Variants in DMD observed in about 807,000 individuals in gnomAD.
The protein encoded by DMD is dystrophin, also known as mutant dystrophin.
A neutral mutation model predicts 330.1 loss-of-function variants in DMD; 63 were observed. The ratio of observed to expected loss-of-function variants is 0.19; its 90% CI spans 0.16 to 0.24. The LOEUF (loss-of-function observed/expected upper bound fraction) is 0.24. Ranked by LOEUF, DMD falls within the 10% of genes least tolerant of loss-of-function variation. The pLI, the probability that DMD is intolerant of heterozygous loss-of-function variation, is 1.00. For synonymous variants in DMD, 1,223 were observed against 959.8 expected, an observed-to-expected ratio of 1.27 and a Z score of -5.07; for missense variants, 3,344 against 2,684.1, an observed-to-expected ratio of 1.25 and a Z score of -5.43.
rs988470852 is a variant in DMD at position 31,944,799 on chromosome X, C to T, written c.6615-12572G>A. ...CTGGGATTACAGGCGTGAGGCACCG[C>T]GCCTGGCCAAGATAATTTTTTTTGT... is the stretch of plus-strand genomic sequence containing the variant. On this transcript the variant is annotated intron_variant, in intron 45 of 78. Coordinates refer to ENST00000357033, the MANE Select transcript of DMD (RefSeq NM_004006.3). Among the ~76,000 whole-genome samples, 52 of 110,278 alleles carry T rather than the reference C, an allele frequency of 4.7e-4. 1 individual carries two copies. The highest frequency in any genetic ancestry group is 1.2e-3 in the African/African-American group (35 of 30,295).
rs1190446358 is a variant in DMD at position 31,321,583 on chromosome X, C to CAAAAAAAAAAAAAA, written c.9224+2001_9224+2014dup. 9.5e-3 allele frequency among the ~76,000 whole-genome samples: 99 copies of CAAAAAAAAAAAAAA among 10,457 alleles called. 4 individuals carry two copies. The highest frequency in any genetic ancestry group is 0.012 in the Non-Finnish European group (83 of 6,743). The allele number at this position is 10,457 out of a possible 115,157, so 9.1% of individuals were successfully genotyped here. On this transcript the variant is annotated intron_variant, in intron 62 of 78. Transcript: ENST00000357033. The stretch of plus-strand genomic sequence containing the variant: ...TGGGCAACAGAGTGAAACTCCATCT[C>CAAAAAAAAAAAAAA]AAAAAAAAAAAAAAAAAAAAAAAAA...
At chrX:32,061,065 T>C (rs1234392538) in intron 44 of DMD, among the ~76,000 whole-genome samples, 2 of 111,471 alleles carry the variant, frequency 1.8e-5, no homozygotes, top group Non-Finnish European at 3.8e-5. Flanking sequence ...AGCATTCTTC[T>C]TGAACCACTT....
At chrX:33,279,286 C>A (rs191937298) in intron 1 of DMD, among the ~76,000 whole-genome samples, 3 of 112,038 alleles carry the variant, frequency 2.7e-5, no homozygotes, top group African/African-American at 9.7e-5. Flanking sequence ...CACACAATTA[C>A]ATGGAAACCA....
At chrX:31,690,277 A>G (rs1301797404) in intron 52 of DMD, among the ~76,000 whole-genome samples, 7 of 112,277 alleles carry the variant, frequency 6.2e-5, no homozygotes, top group Non-Finnish European at 9.4e-5. Context: ...TTACAAGAAA[A>G]AACAAACAAC....
intron 54 of DMD, among the ~76,000 whole-genome samples, chrX:31,649,711 G>A (rs1433217327): frequency 9.1e-6 from 1 of 109,991 alleles, no homozygotes; most frequent in Non-Finnish European, 1.9e-5. Context: ...TTGGGTCTCA[G>A]CAATATAAAA....
At chrX:33,227,922 T>A (rs2052319594) in intron 1 of DMD, among the ~76,000 whole-genome samples, 1 of 111,253 alleles carries the variant, frequency 9.0e-6, no homozygotes, top group East Asian at 2.8e-4. Context: ...AATATTTGAT[T>A]CGAATTTAAA....
At chrX:33,338,179 G>T (rs1318355883) in intron 1 of DMD, among the ~76,000 whole-genome samples, 1 of 111,485 alleles carries the variant, frequency 9.0e-6, no homozygotes, top group Non-Finnish European at 1.9e-5. Context: ...ATTTCAATAT[G>T]TTCAGTCTGA....
In DMD at chrX:32,614,403, T is replaced by C. The variant is rs775115784; in HGVS notation, c.1382A>G (p.Asn461Ser). ...DLQNQKLKEL[N>S]DWLTKTEERT... The stretch of plus-strand genomic sequence containing the variant: ...TTCTTCTGTTTTTGTTAGCCAGTCA[T>C]TCAACTCTTTCAGTTTCTGATTCTG... Residue 461 changes from asparagine to serine, a missense_variant, in exon 12 of 79, where the codon AAT (asparagine) becomes AGT (serine). Physicochemically the swap from Asn to Ser is conservative, Grantham distance 46. Transcript: ENST00000357033. 16 of 1,205,126 alleles carry C rather than the reference T, an allele frequency of 1.3e-5. 1 individual carries two copies. In the East Asian group the frequency reaches 1.5e-4, roughly 11 times the overall value.
chrX:32,111,742 T>C (rs2096590413), intron 44 of DMD, among the ~76,000 whole-genome samples: 1 of 111,454 alleles, frequency 9.0e-6, no homozygotes, highest in African/African-American at 3.3e-5. Context: ...ACAATCCCTG[T>C]GATTCCATCA....
intron 9 of DMD, among the ~76,000 whole-genome samples, chrX:32,697,448 C>G (rs1204526890): frequency 1.8e-5 from 2 of 111,701 alleles, no homozygotes; most frequent in Non-Finnish European, 3.8e-5. Context: ...TAAAATAATT[C>G]ACTTAGAATG....
At chrX:33,154,269 C>T (rs762810743) in intron 1 of DMD, among the ~76,000 whole-genome samples, 2 of 110,470 alleles carry the variant, frequency 1.8e-5, no homozygotes, top group East Asian at 2.9e-4. Context: ...TGGTGGTGGG[C>T]GCCTGTAATC....
intron 7 of DMD, among the ~76,000 whole-genome samples, chrX:32,792,305 C>A (rs1450640284): frequency 5.5e-5 from 6 of 109,906 alleles, no homozygotes; most frequent in African/African-American, 2.0e-4. Flanking sequence ...AATATAAAAA[C>A]AACTAGTAGT....
chrX:32,806,074 C>T (rs1396056547), intron 7 of DMD, among the ~76,000 whole-genome samples: 1 of 111,878 alleles, frequency 8.9e-6, no homozygotes, highest in African/African-American at 3.2e-5. Context: ...ATCAAATTTA[C>T]ACATAACAAT....
intron 1 of DMD, among the ~76,000 whole-genome samples, chrX:33,187,449 C>T (rs1246554391): frequency 8.9e-6 from 1 of 112,602 alleles, no homozygotes; most frequent in Non-Finnish European, 1.9e-5. Context: ...CACAATATCA[C>T]TACACTCAAC....
chrX:31,432,662 A>G (rs927898272), intron 60 of DMD, among the ~76,000 whole-genome samples: 6 of 111,782 alleles, frequency 5.4e-5, no homozygotes, highest in African/African-American at 2.0e-4. Context: ...TGTGAGAGAC[A>G]TAGAGAGCAA....
At position 33,101,622 on chromosome X, in the gene DMD, C is replaced by T. The variant is rs189892291; in HGVS notation, c.32-81422G>A. 3.9e-3 allele frequency among the ~76,000 whole-genome samples: 429 copies of T among 110,557 alleles called. 1 individual carries two copies. Among genetic ancestry groups the T allele is most frequent in the African/African-American group, 0.014 (415 of 30,309 alleles). Reference sequence around the variant, plus strand: ...CTCCAGCCTGGGCAACAGAGCAAGACTCCATCTCTCAAAAAAAGAAAAGAA... The same window carrying T: ...CTCCAGCCTGGGCAACAGAGCAAGATTCCATCTCTCAAAAAAAGAAAAGAA... On this transcript the variant is annotated intron_variant, in intron 1 of 78. Coordinates refer to ENST00000357033, the MANE Select transcript of DMD (RefSeq NM_004006.3).
At chrX:32,653,480 T>C (rs1310484915) in intron 9 of DMD, among the ~76,000 whole-genome samples, 1 of 111,725 alleles carries the variant, frequency 9.0e-6, no homozygotes, top group Non-Finnish European at 1.9e-5. Flanking sequence ...ATATGTGGCA[T>C]TATTTCTGAG....
At chrX:32,295,153 G>A (rs771654864) in intron 42 of DMD, among the ~76,000 whole-genome samples, 1 of 111,502 alleles carries the variant, frequency 9.0e-6, no homozygotes, top group South Asian at 3.8e-4. Flanking sequence ...TTTATTTTTG[G>A]CCACTCTTTC....
Position 31,190,163 on chromosome X carries a change from A to G in DMD, c.9808-7259T>C, listed in dbSNP as rs143766563. 4.6e-3 allele frequency among the ~76,000 whole-genome samples: 512 copies of G among 112,359 alleles called. 1 individual carries two copies. The highest frequency in any genetic ancestry group is 0.015 in the African/African-American group (467 of 30,953). On this transcript the variant is annotated intron_variant, in intron 67 of 78. Coordinates refer to ENST00000357033, the MANE Select transcript of DMD (RefSeq NM_004006.3). Reference sequence around the variant, plus strand: ...GAGTGTCGACCAAAAAACATCAGAGAAAAACATCGCCAAATATGTTAAATT... The same window carrying G: ...GAGTGTCGACCAAAAAACATCAGAGGAAAACATCGCCAAATATGTTAAATT...
Sources: gnomAD v4.1 joint callset for allele counts (sites outside exome capture counted in the v4.1 genomes callset) on GRCh38, gnomAD v4.1.1 for gene constraint, MANE v1.5 for transcripts, NCBI Gene and HGNC (gene_info 2026-07-23, HGNC 2026-07-21) for gene names.